The following UBE2L3 variants were observed in gnomAD, a reference collection of about 807,000 sequenced individuals.
UBE2L3 encodes the protein ubiquitin-conjugating enzyme E2 L3.
In UBE2L3, 1 loss-of-function variant was observed where a neutral mutation model predicts 17.8. The ratio of observed to expected loss-of-function variants is 0.06; its 90% CI spans 0.02 to 0.27. UBE2L3 has a LOEUF of 0.27. Ranked by LOEUF, UBE2L3 falls within the 10% of genes least tolerant of loss-of-function variation. The pLI is 1.00. For missense variants in UBE2L3, 40 were observed against 192.6 expected, an observed-to-expected ratio of 0.21 and a Z score of 4.69; for synonymous variants, 44 against 68.5, an observed-to-expected ratio of 0.64 and a Z score of 1.76.
intron 1 of UBE2L3, among the ~76,000 whole-genome samples, chr22:21,590,628 T>C (rs944672479): frequency 2.6e-5 from 4 of 152,266 alleles, no homozygotes; most frequent in African/African-American, 9.6e-5. Flanking sequence ...TTTTTAGTTG[T>C]CTAGTTTCAA....
At chr22:21,603,998 A>G (rs1929012523) in intron 2 of UBE2L3, among the ~76,000 whole-genome samples, 2 of 150,736 alleles carry the variant, frequency 1.3e-5, no homozygotes, top group African/African-American at 4.9e-5. Flanking sequence ...TGCAGCCTCA[A>G]ACTCCTGGGC....
Position 21,569,309 on chromosome 22 carries a change from T to C in UBE2L3, c.27+1538T>C, listed in dbSNP as rs529047306. ...TACCCGGGAGGCTGAGGTGGAAGAG[T>C]CGCTTGAACCCGGCAGGTGGAGGTT... is the stretch of plus-strand genomic sequence containing the variant. On this transcript the variant is annotated intron_variant, in intron 1 of 3. Transcript: ENST00000342192. Among the ~76,000 whole-genome samples the C allele has an allele frequency of 2.0e-4, 29 of 146,540 alleles. 1 individual carries two copies. In the South Asian group the frequency reaches 6.3e-3, roughly 32 times the overall value.
chr22:21,551,278 GACCCTCCCCAGGC>G, intron 1 of UBE2L3: 1 of 108,328 alleles, frequency 9.2e-6, no homozygotes, highest in Non-Finnish European at 1.5e-5. Flanking sequence ...AGTCCCTTGT[GACCCTCCCCAGGC>G]ACCCTCCCAG....
At chr22:21,585,758 G>A (rs1048874238) in intron 1 of UBE2L3, among the ~76,000 whole-genome samples, 5 of 152,110 alleles carry the variant, frequency 3.3e-5, no homozygotes, top group African/African-American at 9.7e-5. Context: ...AAGACATAGA[G>A]GGGGGAAGTC....
In UBE2L3 at chr22:21,596,687, A is replaced by G. The variant is rs150964551; in HGVS notation, c.123+3731A>G. On this transcript the variant is annotated intron_variant, in intron 2 of 3. Transcript: ENST00000342192. Reference sequence around the variant, plus strand: ...CTTTTAGTAGAGACTGGGTTTCTCCATGTTGGTCAGGCTGGTCTCGAACTC... The same window carrying G: ...CTTTTAGTAGAGACTGGGTTTCTCCGTGTTGGTCAGGCTGGTCTCGAACTC... Among the ~76,000 whole-genome samples the G allele has an allele frequency of 7.9e-5, 12 of 152,066 alleles. No individual in the cohort carries two copies. The East Asian group carries it at 1.9e-3, about 25-fold the overall frequency.
intron 1 of UBE2L3, among the ~76,000 whole-genome samples, chr22:21,571,739 T>G (rs1234064440): frequency 6.6e-6 from 1 of 152,172 alleles, no homozygotes; most frequent in Non-Finnish European, 1.5e-5. Flanking sequence ...AACTTCATAT[T>G]GTTATATTTT....
chr22:21,592,135 T>G (rs1568979084), intron 1 of UBE2L3, among the ~76,000 whole-genome samples: 1 of 152,180 alleles, frequency 6.6e-6, no homozygotes, highest in Non-Finnish European at 1.5e-5. Context: ...ATTGACTGTT[T>G]ATACAACAAT....
At chr22:21,557,773 G>A (rs749194050) in intron 1 of UBE2L3, among the ~76,000 whole-genome samples, 3 of 152,220 alleles carry the variant, frequency 2.0e-5, no homozygotes, top group Non-Finnish European at 2.9e-5. Flanking sequence ...CACCCTCTTT[G>A]GCCTTCCAAA....
chr22:21,615,512 G>A (rs544987026), intron 3 of UBE2L3, among the ~76,000 whole-genome samples: 73 of 149,076 alleles, frequency 4.9e-4, no homozygotes, highest in Non-Finnish European at 5.6e-4. Flanking sequence ...CCGAGATCAC[G>A]CCACTGCACT....
chr22:21,618,986 A>T (rs548267344), intron 3 of UBE2L3, among the ~76,000 whole-genome samples: 2 of 152,196 alleles, frequency 1.3e-5, no homozygotes, highest in African/African-American at 4.8e-5. Flanking sequence ...CTAACGAAGT[A>T]CTCAGCCTGT....
At chr22:21,618,018 A>G (rs1386553027) in intron 3 of UBE2L3, among the ~76,000 whole-genome samples, 1 of 151,946 alleles carries the variant, frequency 6.6e-6, no homozygotes, top group African/African-American at 2.4e-5. Context: ...CATCTTTACT[A>G]AAATTACAAA....
intron 1 of UBE2L3, among the ~76,000 whole-genome samples, chr22:21,577,352 GC>G (rs1301715581): frequency 3.3e-5 from 5 of 152,116 alleles, no homozygotes; most frequent in Non-Finnish European, 7.4e-5. Context: ...TGATCCGCCT[GC>G]CTCAGCCTCC....
rs533923826 is a variant in UBE2L3 at position 21,575,631 on chromosome 22, C to CTTTTTTT, written c.27+7882_27+7888dup. 5.5e-4 allele frequency among the ~76,000 whole-genome samples: 40 copies of CTTTTTTT among 73,394 alleles called. 7 individuals are homozygous for CTTTTTTT. Among genetic ancestry groups the CTTTTTTT allele is most frequent in the African/African-American group, 1.9e-3 (33 of 17,330 alleles). The allele number at this position is 73,394 out of a possible 152,430, so 48.1% of individuals were successfully genotyped here. A position where few individuals can be genotyped will look rare whatever the true frequency, so the allele number is the denominator to read the frequency against. ...TACTTTTCCCAACAAAGTTGAATAG[C>CTTTTTTT]TTTTTTTTTTTTTTTTTTTTTTTTT... On this transcript the variant is annotated intron_variant, in intron 1 of 3. Coordinates refer to ENST00000342192, the MANE Select transcript of UBE2L3 (RefSeq NM_003347.4).
At chr22:21,572,325 C>T (rs1235400779) in intron 1 of UBE2L3, among the ~76,000 whole-genome samples, 1 of 149,950 alleles carries the variant, frequency 6.7e-6, no homozygotes, top group Non-Finnish European at 1.5e-5. Context: ...ATCCCAGCTA[C>T]TCGGGAGGCT....
chr22:21,578,399 C>G (rs1927434232), intron 1 of UBE2L3, among the ~76,000 whole-genome samples: 2 of 151,710 alleles, frequency 1.3e-5, no homozygotes, highest in Non-Finnish European at 2.9e-5. Flanking sequence ...CATAAGAAAA[C>G]CTAAGCTTCC....
At chr22:21,564,033 C>T (rs1362475938), upstream of UBE2L3, among the ~76,000 whole-genome samples, 2 of 148,824 alleles carry the variant, frequency 1.3e-5, no homozygotes, top group African/African-American at 2.5e-5. Context: ...TCTTTTCTTT[C>T]TTTCTTTTTT....
chr22:21,558,949 G>T (rs553627450), intron 1 of UBE2L3, among the ~76,000 whole-genome samples: 26 of 151,950 alleles, frequency 1.7e-4, no homozygotes, highest in African/African-American at 5.8e-4. Flanking sequence ...TTAGGGAATT[G>T]ACAGTCCATG....
intron 1 of UBE2L3, among the ~76,000 whole-genome samples, chr22:21,585,076 G>A (rs115807617): frequency 0.011 from 1,665 of 152,286 alleles, 36 homozygotes; most frequent in African/African-American, 0.037. Flanking sequence ...ATTTCTTTAG[G>A]CCATAGGTTC....
chr22:21,573,000 A>G (rs1315188339), intron 1 of UBE2L3, among the ~76,000 whole-genome samples: 1 of 151,802 alleles, frequency 6.6e-6, no homozygotes, highest in African/African-American at 2.4e-5. Context: ...CCCACTCCCA[A>G]TGCCACTGCC....
Sources: allele counts gnomAD v4.1 joint callset (sites outside exome capture counted in the v4.1 genomes callset), GRCh38; gene constraint gnomAD v4.1.1; transcripts MANE v1.5; gene names NCBI Gene and HGNC (gene_info 2026-07-23, HGNC 2026-07-21).